The following MYO18B variants were observed in gnomAD, a reference collection of about 807,000 sequenced individuals.
MYO18B encodes unconventional myosin-XVIIIb.
MYO18B carries 204 observed loss-of-function variants against 273.0 expected under a neutral mutation model. The observed-to-expected ratio is 0.75, with a 90% CI of 0.67 to 0.84. The LOEUF is 0.84. Among genes scored for constraint, MYO18B ranks in the 40% least tolerant of loss-of-function variants. The pLI is 0.00. For synonymous variants in MYO18B, 1,330 were observed against 1,305.7 expected, an observed-to-expected ratio of 1.02 and a Z score of -0.40; for missense variants, 3,212 against 3,287.6, an observed-to-expected ratio of 0.98 and a Z score of 0.56.
At chr22:25,807,071 G>A (rs3926777) in intron 12 of MYO18B, among the ~76,000 whole-genome samples, 150,992 of 152,370 alleles carry the variant, frequency 0.99, 74,818 homozygotes, top group East Asian at 1. Flanking sequence ...ATTAAAGCCT[G>A]CCTCTGAGAT....
Position 25,769,169 on chromosome 22 carries a change from C to A in MYO18B, c.1253C>A (p.Ala418Asp), listed in dbSNP as rs1342102044. The change falls in exon 4 of 44, where the codon GCC (alanine) becomes GAC (aspartate). Residue 418 changes from alanine to aspartate, a missense_variant. Physicochemically the swap from Ala to Asp is moderately radical, Grantham distance 126. Transcript: ENST00000335473. ...AGTCAGACAGAGAAGGGCTGTGAAG[C>A]CCCAAAGGAGGTGAGCACAATGGTG... ...ARSQTEKGCEAPKEVSTMVES... is the reference protein window; with the variant it reads ...ARSQTEKGCEDPKEVSTMVES... 6.2e-7 allele frequency: 1 copy of A among 1,612,434 alleles called. No individual in the cohort carries two copies. Among genetic ancestry groups the A allele is most frequent in the Non-Finnish European group, 8.5e-7 (1 of 1,179,368 alleles).
chr22:25,898,128 T>G, intron 28 of MYO18B, 179 bp from the exon 29 acceptor site: 1 of 603,884 alleles, frequency 1.7e-6, no homozygotes. Context: ...AAACTGAGGC[T>G]CAGAAAAGTA....
intron 42 of MYO18B, among the ~76,000 whole-genome samples, chr22:26,005,303 G>A (rs1934332323): frequency 6.6e-6 from 1 of 152,064 alleles, no homozygotes; most frequent in Non-Finnish European, 1.5e-5. Flanking sequence ...CTTTTTTAAT[G>A]GAAAGTCATT....
At chr22:25,932,818 G>T (rs543417087) in intron 34 of MYO18B, among the ~76,000 whole-genome samples, 15 of 140,396 alleles carry the variant, frequency 1.1e-4, no homozygotes, top group African/African-American at 4.2e-4. Context: ...TATAGCTGGT[G>T]AGCAAAGAAT....
At chr22:25,758,885 G>A (rs2086213026) in intron 1 of MYO18B, among the ~76,000 whole-genome samples, 1 of 151,950 alleles carries the variant, frequency 6.6e-6, no homozygotes, top group African/African-American at 2.4e-5. Flanking sequence ...CTCCTGAGTA[G>A]CTGGGACTAT....
the MYO18B span, among the ~76,000 whole-genome samples, chr22:26,048,140 T>A: frequency 6.6e-6 from 1 of 152,354 alleles, no homozygotes; most frequent in African/African-American, 2.4e-5. Flanking sequence ...TCACACGTTG[T>A]ACTGTAGTTA....
At chr22:25,812,341 G>T (rs2088801208) in intron 12 of MYO18B, among the ~76,000 whole-genome samples, 1 of 152,112 alleles carries the variant, frequency 6.6e-6, no homozygotes, top group African/African-American at 2.4e-5. Context: ...CTCCAATTCT[G>T]AGAGGCTTCT....
At chr22:25,802,966 C>T (rs202163258) in intron 12 of MYO18B, among the ~76,000 whole-genome samples, 28 of 134,960 alleles carry the variant, frequency 2.1e-4, no homozygotes, top group East Asian at 5.1e-4. Context: ...TTTTTTCTTT[C>T]TTTTTTTTTT....
chr22:25,864,759 G>T (rs1316442656), intron 21 of MYO18B, among the ~76,000 whole-genome samples: 3 of 152,226 alleles, frequency 2.0e-5, no homozygotes, highest in Non-Finnish European at 4.4e-5. Flanking sequence ...AAAGCAGTTG[G>T]AGCAGGGCTC....
chr22:25,766,920 GGGATAGC>G (rs1230530837), intron 3 of MYO18B, among the ~76,000 whole-genome samples: 1 of 152,240 alleles, frequency 6.6e-6, no homozygotes, highest in Non-Finnish European at 1.5e-5. Flanking sequence ...GCCCAAGTGA[GGGATAGC>G]GGACATGAGT....
At chr22:25,908,943 AT>A (rs2092102849) in intron 32 of MYO18B, among the ~76,000 whole-genome samples, 1 of 152,138 alleles carries the variant, frequency 6.6e-6, no homozygotes, top group Admixed American at 6.5e-5. Context: ...CAGAGATATC[AT>A]TTTCACTAAA....
chr22:25,955,331 G>T lies in MYO18B; in HGVS notation c.6123G>T (p.Arg2041=). The change falls in exon 39 of 44, where the codon CGG becomes CGT. Residue 2041 remains arginine (R), a synonymous_variant. Transcript: ENST00000335473. ...LKADMEELVQ[R]EAEASRRCME... is the part of the protein sequence containing the mutation. ...CCGACATGGAAGAGCTGGTGCAGCG[G>T]GAGGCAGAGGCCAGCCGGCGGTGCA... 4 of 1,613,726 alleles carry T rather than the reference G, an allele frequency of 2.5e-6. No homozygotes were observed. Among genetic ancestry groups the T allele is most frequent in the Non-Finnish European group, 2.5e-6 (3 of 1,179,796 alleles).
chr22:25,756,456 G>C (rs1218563688), intron 1 of MYO18B: 1 of 152,262 alleles, frequency 6.6e-6, no homozygotes, highest in Non-Finnish European at 1.5e-5. Flanking sequence ...CATGCTGATA[G>C]GCGTGGAATG....
chr22:26,055,883 T>C, the MYO18B span, among the ~76,000 whole-genome samples: 1 of 152,164 alleles, frequency 6.6e-6, no homozygotes, highest in Non-Finnish European at 1.5e-5. Flanking sequence ...GGCTTGAAGA[T>C]GCAGAAAAGA....
intron 8 of MYO18B, 114 bp downstream of exon 8, chr22:25,777,895 A>C: frequency 9.5e-7 from 1 of 1,051,388 alleles, no homozygotes; most frequent in Non-Finnish European, 1.4e-6. Flanking sequence ...AGCACCAGAT[A>C]TGTGCAGACC....
At chr22:25,792,481 C>A (rs112148252) in intron 11 of MYO18B, among the ~76,000 whole-genome samples, 60 of 54,440 alleles carry the variant, frequency 1.1e-3, no homozygotes, top group African/African-American at 2.6e-3. Context: ...TGTGATGTTT[C>A]TTTTTTTTTT....
rs536400409 is a variant in MYO18B, at chr22:25,777,446, A to G, written c.1870-137A>G. On this transcript the variant is annotated intron_variant, in intron 7 of 43. Coordinates refer to ENST00000335473, the MANE Select transcript of MYO18B (RefSeq NM_032608.7). ...CTTGGCTCCTCCTAGTCGAGTAGGA[A>G]GGGAGTCAGGGATCTGGAGGCAGAT... The G allele has an allele frequency of 5.0e-6, 4 of 806,428 alleles. No homozygotes were observed. The African/African-American group carries it at 7.1e-5, about 14-fold the overall frequency. 50.0% of individuals were successfully genotyped at this position (806,428 alleles called of 1,614,324 possible). A position where few individuals can be genotyped will look rare whatever the true frequency, so the allele number is the denominator to read the frequency against.
Position 26,020,617 on chromosome 22 carries a change from TTAACTG to T in MYO18B, c.6471-5825_6471-5820del, listed in dbSNP as rs199570179. On this transcript the variant is annotated intron_variant, in intron 42 of 43. Coordinates refer to ENST00000335473, the MANE Select transcript of MYO18B (RefSeq NM_032608.7). ...AGATAAATAAGTCATGTATGGAAGT[TTAACTG>T]TAGTGTCTTTTGCCTCATTGGTAGT... 4.6e-3 allele frequency among the ~76,000 whole-genome samples: 696 copies of T among 152,340 alleles called. 4 individuals carry two copies. Among genetic ancestry groups the T allele is most frequent in the African/African-American group, 0.015 (639 of 41,582 alleles).
intron 35 of MYO18B, among the ~76,000 whole-genome samples, 169 bp from the exon 36 acceptor site, chr22:25,947,543 C>CACACACACACACACACACA (rs60582589): frequency 1.4e-5 from 2 of 144,808 alleles, no homozygotes; most frequent in African/African-American, 2.6e-5. Flanking sequence ...CACACACACA[C>CACACACACACACACACACA]CAAGCTGTTA....
Sources: allele counts gnomAD v4.1 joint callset (sites outside exome capture counted in the v4.1 genomes callset), GRCh38; gene constraint gnomAD v4.1.1; transcripts MANE v1.5; gene names NCBI Gene and HGNC (gene_info 2026-07-23, HGNC 2026-07-21).